MARCHF1: variants seen among roughly 807,000 people sequenced by gnomAD.
The protein encoded by MARCHF1 is membrane associated ring-CH-type finger 1.
In MARCHF1, 40 loss-of-function variants were observed where a neutral mutation model predicts 54.2. The observed-to-expected ratio is 0.74, with a 90% CI of 0.57 to 0.96. MARCHF1 has a LOEUF of 0.96. MARCHF1 is among the 40% of genes least tolerant of loss of function. The probability of loss-of-function intolerance (pLI) is 0.00; values close to 1 mark genes in which losing one functional copy is unlikely to be tolerated. For missense variants in MARCHF1, 586 were observed against 656.5 expected (o/e 0.89, Z 1.17); for synonymous variants, 236 against 236.3 (o/e 1.00, Z 0.01).
chr4:163,634,358 T>C (rs1309653149), intron 5 of MARCHF1, among the ~76,000 whole-genome samples: 24 of 149,916 alleles, frequency 1.6e-4, no homozygotes, highest in Admixed American at 5.3e-4. Flanking sequence ...ACCCATCTCA[T>C]GTGCAGAGAC....
chr4:164,066,180 GA>G (rs34734390), intron 2 of MARCHF1, among the ~76,000 whole-genome samples: 109,761 of 151,054 alleles, frequency 0.73, 40,295 homozygotes, highest in Non-Finnish European at 0.79. Context: ...AAACTTGCAA[GA>G]AAAAAAAAAC....
In MARCHF1 at chr4:164,259,561, A is replaced by AAAAAG. The variant is rs1560977866; in HGVS notation, c.-323+124304_-323+124308dup. On this transcript the variant is annotated intron_variant, in intron 1 of 9. Transcript: ENST00000514618. ...CCGTGTCTCAAAAAAAAAAAAAAAA[A>AAAAAG]AAAAGAAAAAAGAAAAAGAAAAAAG... 2.8e-3 allele frequency among the ~76,000 whole-genome samples: 326 copies of AAAAAG among 115,660 alleles called. 2 individuals carry two copies. The highest frequency in any genetic ancestry group is 4.6e-3 in the Non-Finnish European group (269 of 58,764). 75.9% of individuals were successfully genotyped at this position (115,660 alleles called of 152,430 possible). A position where few individuals can be genotyped will look rare whatever the true frequency, so the allele number is the denominator to read the frequency against.
intron 5 of MARCHF1, among the ~76,000 whole-genome samples, chr4:163,649,803 A>C (rs1742901221): frequency 6.6e-6 from 1 of 151,556 alleles, no homozygotes; most frequent in Admixed American, 6.6e-5. Flanking sequence ...GAAGGGCTAT[A>C]ATCTAGTTTC....
At chr4:163,873,910 T>C (rs1372992279) in intron 3 of MARCHF1, among the ~76,000 whole-genome samples, 2 of 152,322 alleles carry the variant, frequency 1.3e-5, no homozygotes, top group Admixed American at 1.3e-4. Flanking sequence ...AATGTTGGCA[T>C]GTAGGCCTTG....
chr4:164,320,083 GTAT>G (rs1735102435), intron 1 of MARCHF1, among the ~76,000 whole-genome samples: 1 of 152,008 alleles, frequency 6.6e-6, no homozygotes, highest in South Asian at 2.1e-4. Context: ...GAGTCTAATT[GTAT>G]TATTAAGTCC....
At chr4:163,626,165 CAA>C (rs1247427134) in intron 5 of MARCHF1, among the ~76,000 whole-genome samples, 4 of 152,154 alleles carry the variant, frequency 2.6e-5, no homozygotes, top group African/African-American at 9.7e-5. Flanking sequence ...CTAATTTTAT[CAA>C]AGTTATTTAT....
intron 2 of MARCHF1, among the ~76,000 whole-genome samples, chr4:164,034,891 G>A (rs753509146): frequency 7.9e-5 from 12 of 152,072 alleles, no homozygotes; most frequent in Non-Finnish European, 1.5e-4. Context: ...TTTTTATGAA[G>A]TTTCTCAGAT....
chr4:163,805,665 T>C (rs1335228198), intron 4 of MARCHF1, among the ~76,000 whole-genome samples: 1 of 152,210 alleles, frequency 6.6e-6, no homozygotes, highest in African/African-American at 2.4e-5. Flanking sequence ...TTTCCTTATG[T>C]TGTAGAAGAC....
intron 1 of MARCHF1, among the ~76,000 whole-genome samples, chr4:164,321,846 A>C (rs1735150231): frequency 6.6e-6 from 1 of 152,118 alleles, no homozygotes; most frequent in African/African-American, 2.4e-5. Flanking sequence ...AGTGTAATCT[A>C]ATATAATTAA....
chr4:164,313,393 G>A (rs7675835), intron 1 of MARCHF1, among the ~76,000 whole-genome samples: 4 of 148,218 alleles, frequency 2.7e-5, no homozygotes, highest in South Asian at 2.1e-4. Flanking sequence ...GATCCTCTTC[G>A]GATCATCTGA....
intron 2 of MARCHF1, among the ~76,000 whole-genome samples, chr4:164,023,373 T>C (rs1414461922): frequency 1.3e-5 from 2 of 151,888 alleles, no homozygotes; most frequent in Non-Finnish European, 2.9e-5. Context: ...CACAAGGAAA[T>C]ACAAAAGAGC....
At chr4:164,311,912 C>G (rs1025080403) in intron 1 of MARCHF1, among the ~76,000 whole-genome samples, 9 of 152,120 alleles carry the variant, frequency 5.9e-5, no homozygotes, top group Non-Finnish European at 8.8e-5. Flanking sequence ...ATGTTTTGAA[C>G]GATTCTCTCT....
At chr4:163,909,319 A>G (rs1407235110) in intron 3 of MARCHF1, among the ~76,000 whole-genome samples, 2 of 152,224 alleles carry the variant, frequency 1.3e-5, no homozygotes, top group African/African-American at 4.8e-5. Flanking sequence ...TTCCGATTTC[A>G]GAAGCTTACC....
At chr4:163,681,403 C>T (rs568635858) in intron 5 of MARCHF1, among the ~76,000 whole-genome samples, 1 of 152,198 alleles carries the variant, frequency 6.6e-6, no homozygotes, top group South Asian at 2.1e-4. Context: ...AGTATACTGC[C>T]CCCTAGGGGT....
intron 9 of MARCHF1, among the ~76,000 whole-genome samples, chr4:163,537,520 T>C (rs1297861187): frequency 6.6e-6 from 1 of 152,182 alleles, no homozygotes; most frequent in African/African-American, 2.4e-5. Context: ...AAATCTAACT[T>C]AGGCAATTCA....
rs894469915 is a variant in MARCHF1, at chr4:163,693,145, A to G, written c.162+7668T>C. 5.9e-5 allele frequency among the ~76,000 whole-genome samples: 9 copies of G among 151,392 alleles called. 1 individual carries two copies. Among genetic ancestry groups the G allele is most frequent in the African/African-American group, 2.2e-4 (9 of 41,076 alleles). On this transcript the variant is annotated intron_variant, in intron 5 of 9. Transcript: ENST00000514618. ...GTATAATGAGGTCTAATGAGCAGGAAGGGCCAATAATCTGAATGCTTTGTT... is the reference window on the plus strand; with the variant it reads ...GTATAATGAGGTCTAATGAGCAGGAGGGGCCAATAATCTGAATGCTTTGTT...
At chr4:164,329,149 A>T (rs1013023130) in intron 1 of MARCHF1, among the ~76,000 whole-genome samples, 4 of 152,208 alleles carry the variant, frequency 2.6e-5, no homozygotes, top group African/African-American at 9.6e-5. Context: ...AACTGCCAGA[A>T]ACAAACAAAA....
chr4:163,811,462 G>C (rs939207115), intron 4 of MARCHF1, among the ~76,000 whole-genome samples: 2 of 151,928 alleles, frequency 1.3e-5, no homozygotes, highest in South Asian at 2.1e-4. Flanking sequence ...TTGAACCCAG[G>C]AGTCCAAGGC....
chr4:163,637,934 C>G (rs1742401775), intron 5 of MARCHF1, among the ~76,000 whole-genome samples: 1 of 150,970 alleles, frequency 6.6e-6, no homozygotes, highest in African/African-American at 2.4e-5. Context: ...GAGTTCATGT[C>G]CTTTGTAGGG....
Sources: gnomAD v4.1 joint callset for allele counts (sites outside exome capture counted in the v4.1 genomes callset) on GRCh38, gnomAD v4.1.1 for gene constraint, MANE v1.5 for transcripts, NCBI Gene and HGNC (gene_info 2026-07-23, HGNC 2026-07-21) for gene names.